Variants in TENM3 observed in about 807,000 individuals in gnomAD.
The protein encoded by TENM3 is teneurin transmembrane protein 3, also known as teneurin-3.
TENM3 carries 63 observed loss-of-function variants against 255.1 expected under a neutral mutation model. The ratio of observed to expected loss-of-function variants is 0.25; its 90% CI spans 0.20 to 0.30. The LOEUF (loss-of-function observed/expected upper bound fraction) is 0.30. Among genes scored for constraint, TENM3 ranks in the 10% least tolerant of loss-of-function variants. TENM3 has a pLI of 1.00. For missense variants in TENM3, 2,929 were observed against 3,461.1 expected, an observed-to-expected ratio of 0.85 and a Z score of 3.86; for synonymous variants, 1,306 against 1,322.3, an observed-to-expected ratio of 0.99 and a Z score of 0.27.
chr4:182,403,927 G>A lies in TENM3; in HGVS notation c.511+56998G>A, dbSNP rs142210255. Among the ~76,000 whole-genome samples, 19 of 152,210 alleles carry A rather than the reference G, an allele frequency of 1.2e-4. No homozygotes were observed. In the East Asian group the frequency reaches 3.1e-3, roughly 25 times the overall value. ...TGTAGAGACCAGGTCTCCCTATGTT[G>A]CCCAGGCTGATCTTGAATTCCTCGT... On this transcript the variant is annotated intron_variant, in intron 3 of 27. Transcript: ENST00000511685.
the TENM3 span, among the ~76,000 whole-genome samples, chr4:181,476,530 TTCTC>T: frequency 1.4e-4 from 21 of 152,172 alleles, no homozygotes; most frequent in Admixed American, 4.6e-4. Context: ...GCTTTGGAAA[TTCTC>T]TCTTTAGTGT....
chr4:182,227,833 T>C (rs1006182703), intron 1 of TENM3, among the ~76,000 whole-genome samples: 1 of 152,062 alleles, frequency 6.6e-6, no homozygotes, highest in African/African-American at 2.4e-5. Context: ...GAAATTTCCT[T>C]TAAAGGAACG....
At chr4:182,738,861 C>T (rs1371580344) in intron 18 of TENM3, among the ~76,000 whole-genome samples, 1 of 143,414 alleles carries the variant, frequency 7.0e-6, no homozygotes, top group Non-Finnish European at 1.5e-5. Context: ...CACAGATTCA[C>T]CTAGAGTGTC....
intron 3 of TENM3, among the ~76,000 whole-genome samples, chr4:182,494,833 T>C (rs2151608559): frequency 6.6e-6 from 1 of 152,336 alleles, no homozygotes; most frequent in East Asian, 1.9e-4. Context: ...AAATTATTTC[T>C]TTTACCTATC....
At chr4:182,203,240 A>T (rs1346780163) in intron 1 of TENM3, among the ~76,000 whole-genome samples, 1 of 151,844 alleles carries the variant, frequency 6.6e-6, no homozygotes, top group Non-Finnish European at 1.5e-5. Flanking sequence ...GAAAAAGAAA[A>T]GAAAATGGGC....
chr4:181,689,843 G>A, the TENM3 span, among the ~76,000 whole-genome samples: 2 of 152,048 alleles, frequency 1.3e-5, no homozygotes, highest in African/African-American at 4.8e-5. Context: ...GGTCGGTTAC[G>A]GATACATCCC....
At chr4:181,763,775 C>A in the TENM3 span, among the ~76,000 whole-genome samples, 1 of 152,172 alleles carries the variant, frequency 6.6e-6, no homozygotes. Flanking sequence ...CAAGTTAATT[C>A]TAAAACAAAG....
intron 22 of TENM3, among the ~76,000 whole-genome samples, chr4:182,757,846 A>G (rs1278950420): frequency 6.6e-6 from 1 of 152,174 alleles, no homozygotes; most frequent in Non-Finnish European, 1.5e-5. Context: ...ATTTTCACCA[A>G]TACTTATTAC....
intron 1 of TENM3, among the ~76,000 whole-genome samples, chr4:182,173,811 T>C (rs1752264012): frequency 6.6e-6 from 1 of 152,176 alleles, no homozygotes; most frequent in African/African-American, 2.4e-5. Context: ...ACTTCACACA[T>C]GGAGTATCTC....
chr4:182,709,136 C>T (rs1338076121), intron 12 of TENM3, among the ~76,000 whole-genome samples: 1 of 152,038 alleles, frequency 6.6e-6, no homozygotes, highest in Non-Finnish European at 1.5e-5. Flanking sequence ...GCACGCACCA[C>T]CACACCCCGC....
At chr4:181,862,220 C>A in the TENM3 span, among the ~76,000 whole-genome samples, 1 of 151,988 alleles carries the variant, frequency 6.6e-6, no homozygotes, top group Admixed American at 6.6e-5. Context: ...GCAAACTTAA[C>A]ACACACAAGC....
At chr4:182,174,927 T>TC (rs1752361011) in intron 1 of TENM3, among the ~76,000 whole-genome samples, 1 of 133,390 alleles carries the variant, frequency 7.5e-6, no homozygotes. Flanking sequence ...CAAGTATTGA[T>TC]ATTTTCATTA....
intron 3 of TENM3, among the ~76,000 whole-genome samples, chr4:182,380,940 A>C (rs17319036): frequency 0.11 from 17,257 of 152,274 alleles, 1,055 homozygotes; most frequent in African/African-American, 0.13. Context: ...GTTTGGCACC[A>C]GCGCATGGAG....
chr4:181,870,557 C>G, the TENM3 span, among the ~76,000 whole-genome samples: 1 of 152,084 alleles, frequency 6.6e-6, no homozygotes, highest in Non-Finnish European at 1.5e-5. Context: ...TTTTCATGTG[C>G]TTGTTAGCCA....
At chr4:182,118,673 G>C in the TENM3 span, among the ~76,000 whole-genome samples, 1 of 152,018 alleles carries the variant, frequency 6.6e-6, no homozygotes, top group Non-Finnish European at 1.5e-5. Flanking sequence ...TTATGAATAG[G>C]TGTTAGATTT....
chr4:182,513,668 T>G (rs916100798), intron 3 of TENM3, among the ~76,000 whole-genome samples: 1 of 152,200 alleles, frequency 6.6e-6, no homozygotes, highest in African/African-American at 2.4e-5. Flanking sequence ...GAACTGTGTT[T>G]CTTATTTCCT....
chr4:182,005,455 T>C, the TENM3 span, among the ~76,000 whole-genome samples: 1 of 152,236 alleles, frequency 6.6e-6, no homozygotes, highest in Non-Finnish European at 1.5e-5. Context: ...AGTACCATAC[T>C]GTTTTGGCTA....
rs186555199 is a variant in TENM3 at position 182,200,192 on chromosome 4, C to A, written c.-76+55438C>A. ...CATGGGAAAATATCCGTGTTTCTTGCATAATCATAGAAAAAGAATCAGTCT... is the reference window on the plus strand; with the variant it reads ...CATGGGAAAATATCCGTGTTTCTTGAATAATCATAGAAAAAGAATCAGTCT... On this transcript the variant is annotated intron_variant, in intron 1 of 2. Transcript: ENST00000512480. Among the ~76,000 whole-genome samples the A allele has an allele frequency of 8.3e-4, 127 of 152,220 alleles. 1 individual carries two copies. Among genetic ancestry groups the A allele is most frequent in the African/African-American group, 2.9e-3 (122 of 41,538 alleles).
At chr4:181,577,018 A>G in the TENM3 span, among the ~76,000 whole-genome samples, 3 of 130,888 alleles carry the variant, frequency 2.3e-5, no homozygotes, top group Non-Finnish European at 4.7e-5. Flanking sequence ...TATATAATAT[A>G]TGTAATATGC....
Sources: gnomAD v4.1 joint callset for allele counts (sites outside exome capture counted in the v4.1 genomes callset) on GRCh38, gnomAD v4.1.1 for gene constraint, MANE v1.5 for transcripts, NCBI Gene and HGNC (gene_info 2026-07-23, HGNC 2026-07-21) for gene names.